Variants in ZNF469 observed in about 807,000 individuals in gnomAD.
ZNF469 encodes zinc finger protein 469.
In ZNF469, 1 loss-of-function variant was observed where a neutral mutation model predicts 1.0. The ratio of observed to expected loss-of-function variants is 1.00; its 90% CI spans 0.35 to 4.73. The LOEUF is 4.73. Among genes scored for constraint, ZNF469 ranks in the 30% most tolerant of loss-of-function variants. The pLI is 0.16. For missense variants in ZNF469, 6,100 were observed against 5,356.3 expected (o/e 1.14, Z -4.33); for synonymous variants, 2,703 against 2,363.4 (o/e 1.14, Z -4.17).
chr16:88,240,371 G>T, the ZNF469 span, among the ~76,000 whole-genome samples: 1 of 152,158 alleles, frequency 6.6e-6, no homozygotes, highest in Non-Finnish European at 1.5e-5. Flanking sequence ...AATGAGAGAG[G>T]CAGAGAAAGA....
At chr16:88,211,628 G>C in the ZNF469 span, among the ~76,000 whole-genome samples, 5 of 152,214 alleles carry the variant, frequency 3.3e-5, no homozygotes, top group Non-Finnish European at 7.3e-5. Context: ...TAGCTGAGCA[G>C]ATATGTGCAT....
At chr16:88,217,623 G>C in the ZNF469 span, among the ~76,000 whole-genome samples, 1 of 108,570 alleles carries the variant, frequency 9.2e-6, no homozygotes, top group Non-Finnish European at 1.8e-5. Flanking sequence ...CCCAGAGTGT[G>C]ATATTCCCCT....
intron 1 of ZNF469, among the ~76,000 whole-genome samples, chr16:88,416,753 C>G (rs1413182525): frequency 6.6e-6 from 1 of 152,156 alleles, no homozygotes; most frequent in East Asian, 1.9e-4. Flanking sequence ...AATCAAAACC[C>G]CGCAGGACCA....
Position 88,433,031 on chromosome 16 carries a change from G to A in ZNF469, c.5561G>A (p.Gly1854Asp), listed in dbSNP as rs776017867. The A allele has an allele frequency of 6.5e-7, 1 of 1,550,272 alleles. No homozygotes were observed. Among genetic ancestry groups the A allele is most frequent in the East Asian group, 2.4e-5 (1 of 40,924 alleles). ...ACGGCAGGGAGGCCTGGCTTTGAGG[G>A]TAATGAGTTTGCACCGGCGGGGGCC... ...HPTAGRPGFE[G>D]NEFAPAGASS... Residue 1854 changes from glycine (G) to aspartate (D), a missense_variant, in exon 3 of 3, where the codon GGT (glycine) becomes GAT (aspartate). Gly to Asp is a moderately conservative substitution (Grantham distance 94, BLOSUM62 -1). Transcript: ENST00000565624.
the ZNF469 span, among the ~76,000 whole-genome samples, chr16:88,261,217 G>A: frequency 1.3e-5 from 2 of 152,224 alleles, no homozygotes; most frequent in Admixed American, 6.5e-5. The surrounding 1 kb of genome is among the most constrained non-coding windows in gnomAD (Gnocchi z 6.0). Context: ...GAAGGAGCCC[G>A]CATTTGAGGG....
chr16:88,419,954 C>T (rs993901502), intron 1 of ZNF469, among the ~76,000 whole-genome samples: 3 of 152,252 alleles, frequency 2.0e-5, no homozygotes, highest in Admixed American at 6.5e-5. Flanking sequence ...CGGCCTGAGG[C>T]CACACAGCAC....
chr16:88,131,004 G>A, the ZNF469 span, among the ~76,000 whole-genome samples: 31 of 152,236 alleles, frequency 2.0e-4, no homozygotes, highest in Admixed American at 2.0e-3. Flanking sequence ...TGCTTCTCCT[G>A]TTCCTGCGTG....
the ZNF469 span, among the ~76,000 whole-genome samples, chr16:88,108,730 C>G: frequency 6.6e-6 from 1 of 152,202 alleles, no homozygotes; most frequent in Non-Finnish European, 1.5e-5. Context: ...TATGGGGGGC[C>G]ACGCATGTGT....
At chr16:88,189,110 C>T in the ZNF469 span, among the ~76,000 whole-genome samples, 1 of 152,156 alleles carries the variant, frequency 6.6e-6, no homozygotes, top group Non-Finnish European at 1.5e-5. The surrounding 1 kb of genome is among the most constrained non-coding windows in gnomAD (Gnocchi z 4.3). Flanking sequence ...CTGTAGAGAG[C>T]CTCTGGAGCC....
chr16:88,136,054 C>T, the ZNF469 span, among the ~76,000 whole-genome samples: 14 of 152,268 alleles, frequency 9.2e-5, no homozygotes, highest in South Asian at 2.1e-4. Context: ...CCACCGCGCC[C>T]GGCCAGCCAT....
chr16:88,134,099 A>G, the ZNF469 span, among the ~76,000 whole-genome samples: 34 of 151,876 alleles, frequency 2.2e-4, no homozygotes, highest in African/African-American at 6.8e-4. Context: ...CTCTGTCTCA[A>G]TGAATGAATG....
At chr16:88,345,681 G>C in the ZNF469 span, among the ~76,000 whole-genome samples, 3 of 152,206 alleles carry the variant, frequency 2.0e-5, no homozygotes, top group African/African-American at 2.4e-5. Flanking sequence ...TCACCATGCA[G>C]GGAAGGGCGC....
chr16:88,267,053 G>A, the ZNF469 span, among the ~76,000 whole-genome samples: 5 of 152,354 alleles, frequency 3.3e-5, no homozygotes, highest in Admixed American at 2.0e-4. Flanking sequence ...CCCGGCAAGA[G>A]GACCTGGGTG....
the ZNF469 span, among the ~76,000 whole-genome samples, chr16:88,322,641 G>A: frequency 6.6e-6 from 1 of 152,216 alleles, no homozygotes. Context: ...GAGACTGTGT[G>A]GGACCCGAGC....
At chr16:88,403,756 C>A (rs1190813174) in intron 1 of ZNF469, among the ~76,000 whole-genome samples, 1 of 152,242 alleles carries the variant, frequency 6.6e-6, no homozygotes, top group Non-Finnish European at 1.5e-5. Context: ...AGCCTGGTGC[C>A]CACAAAGCAT....
chr16:88,377,369 C>T, the ZNF469 span, among the ~76,000 whole-genome samples: 1 of 152,204 alleles, frequency 6.6e-6, no homozygotes, highest in African/African-American at 2.4e-5. Flanking sequence ...CCCGCTGGGC[C>T]CGCCACCCAT....
the ZNF469 span, among the ~76,000 whole-genome samples, chr16:88,193,171 G>A: frequency 1.8e-4 from 1 of 5,576 alleles, no homozygotes; most frequent in Non-Finnish European, 3.7e-4. Context: ...GATGGTGGTG[G>A]GGATGGTGGT....
chr16:88,342,596 G>A, the ZNF469 span, among the ~76,000 whole-genome samples: 7 of 152,138 alleles, frequency 4.6e-5, no homozygotes, highest in African/African-American at 7.2e-5. Flanking sequence ...TCAGCCTCTC[G>A]GACCTCCTGC....
chr16:88,328,060 C>T, the ZNF469 span, among the ~76,000 whole-genome samples: 1 of 152,216 alleles, frequency 6.6e-6, no homozygotes, highest in Non-Finnish European at 1.5e-5. Flanking sequence ...CCCACAGACA[C>T]AGAAGGGCAC....
Sources: allele counts gnomAD v4.1 joint callset (sites outside exome capture counted in the v4.1 genomes callset), GRCh38; gene constraint gnomAD v4.1.1; non-coding constraint Gnocchi (gnomAD v3.1); transcripts MANE v1.5; gene names NCBI Gene and HGNC (gene_info 2026-07-23, HGNC 2026-07-21).